The following THG1L variants were observed in gnomAD, a reference collection of about 807,000 sequenced individuals.
The protein encoded by THG1L is tRNA-histidine guanylyltransferase 1 like.
A neutral mutation model predicts 35.2 loss-of-function variants in THG1L; 27 were observed. That is an observed-to-expected ratio of 0.77 (90% confidence interval 0.57 to 1.06). THG1L has a LOEUF of 1.06. Among genes scored for constraint, THG1L ranks in the 50% least tolerant of loss-of-function variants. The probability of loss-of-function intolerance (pLI) is 0.00; values close to 1 mark genes in which losing one functional copy is unlikely to be tolerated. For synonymous variants in THG1L, 135 were observed against 132.4 expected (o/e 1.02, Z -0.14); for missense variants, 377 against 371.8 (o/e 1.01, Z -0.12).
intron 1 of THG1L, 112 bp downstream of exon 1, chr5:157,731,743 G>A (rs1561610262): frequency 1.5e-6 from 2 of 1,351,082 alleles, no homozygotes; most frequent in Non-Finnish European, 2.0e-6. Context: ...GGGTAACGCG[G>A]TAGCCAATGA....
chr5:157,732,363 C>T (rs1344785480), intron 1 of THG1L, among the ~76,000 whole-genome samples: 5 of 151,930 alleles, frequency 3.3e-5, no homozygotes, highest in African/African-American at 7.3e-5. Flanking sequence ...GTGGAAGGAT[C>T]GCTTGAGCCT....
chr5:157,738,030 G>T, intron 5 of THG1L, 36 bp downstream of exon 5: 1 of 1,545,424 alleles, frequency 6.5e-7, no homozygotes. Context: ...ATGGAAGTCA[G>T]GAAAAAAGAT....
At chr5:157,735,723 G>C in intron 3 of THG1L, 123 bp from the exon 4 acceptor site, 1 of 659,752 alleles carries the variant, frequency 1.5e-6, no homozygotes, top group Non-Finnish European at 2.5e-6. Flanking sequence ...TCAAGTCACT[G>C]AATGTCTCTG....
At position 157,741,086 on chromosome 5, in the gene THG1L, A is replaced by G. The variant is rs1761029430; in HGVS notation, c.*1604A>G. The G allele has an allele frequency of 6.6e-6, 1 of 152,128 alleles. No homozygotes were observed. The highest frequency in any genetic ancestry group is 2.4e-5 in the African/African-American group (1 of 41,384). The allele number at this position is 152,128 out of a possible 1,614,324, so 9.4% of individuals were successfully genotyped here. A position where few individuals can be genotyped will look rare whatever the true frequency, so the allele number is the denominator to read the frequency against. ...CTGGGCGTGGTGGCGTGTGCCTGCA[A>G]TACCAGCTACTCAGAAGGCTGAAGC... On this transcript the variant is annotated 3_prime_UTR_variant, in exon 6 of 6. Transcript: ENST00000231198.
At chr5:157,738,150 AT>A (rs1240733544) in intron 5 of THG1L, among the ~76,000 whole-genome samples, 156 bp downstream of exon 5, 1 of 152,186 alleles carries the variant, frequency 6.6e-6, no homozygotes, top group Non-Finnish European at 1.5e-5. Flanking sequence ...CTTATTTTTA[AT>A]GTGCATTTTG....
intron 1 of THG1L, among the ~76,000 whole-genome samples, chr5:157,732,215 C>CAAAAAAAAAAAAAAAAAA (rs34744387): frequency 7.4e-5 from 4 of 53,892 alleles, no homozygotes; most frequent in Non-Finnish European, 9.2e-5. Flanking sequence ...TCCGCCACTA[C>CAAAAAAAAAAAAAAAAAA]AAAAAAAAAA....
intron 1 of THG1L, 25 bp downstream of exon 1, chr5:157,731,656 C>G: frequency 6.3e-7 from 1 of 1,574,966 alleles, no homozygotes; most frequent in South Asian, 1.2e-5. Flanking sequence ...CTCGGGGCGT[C>G]GCGATGCGCC....
In THG1L at chr5:157,731,517, T is replaced by C; in HGVS notation, c.77T>C (p.Leu26Ser). Reference sequence around the variant, plus strand: ...ATCACTCTGAGACGGTACCTGAGATTGGGGGCGACCATGGCAAAAAGCAAG... The same window carrying C: ...ATCACTCTGAGACGGTACCTGAGATCGGGGGCGACCATGGCAAAAAGCAAG... Reference protein sequence around the residue: ...ISITLRRYLRLGATMAKSKFE... With the variant: ...ISITLRRYLRSGATMAKSKFE... The change falls in exon 1 of 6, where the codon TTG becomes TCG. Residue 26 changes from leucine (L) to serine (S), a missense_variant. By Grantham distance (145) the Leu-to-Ser change is moderately radical. Transcript: ENST00000231198. 6.2e-7 allele frequency: 1 copy of C among 1,612,944 alleles called. No homozygotes were observed. Among genetic ancestry groups the C allele is most frequent in the Non-Finnish European group, 8.5e-7 (1 of 1,179,478 alleles).
chr5:157,736,965 CTATTTATT>C (rs1760906057), intron 4 of THG1L, among the ~76,000 whole-genome samples: 1 of 151,890 alleles, frequency 6.6e-6, no homozygotes. Flanking sequence ...TTTATTTTAT[CTATTTATT>C]TATTTTTTGA....
In THG1L at chr5:157,731,716, T is replaced by C. The variant is rs1760727222; in HGVS notation, c.191+85T>C. ...TTCCCTTGCAAGTCCTCCCGCCCGC[T>C]CCAGTCACGGTTACCAGGGTAACGC... On this transcript the variant is annotated intron_variant, in intron 1 of 5. Transcript: ENST00000231198. 47 of 1,489,820 alleles carry C rather than the reference T, an allele frequency of 3.2e-5. 1 individual carries two copies. The South Asian group carries it at 3.6e-4, about 11-fold the overall frequency. The allele number at this position is 1,489,820 out of a possible 1,614,324, so 92.3% of individuals were successfully genotyped here.
chr5:157,737,858 G>A (rs750397406), intron 4 of THG1L, 29 bp from the exon 5 acceptor site: 3 of 1,578,126 alleles, frequency 1.9e-6, no homozygotes, highest in South Asian at 1.1e-5. Flanking sequence ...GACATGCAGA[G>A]CTTTTAATAT....
chr5:157,733,990 T>A (rs1760799396), intron 2 of THG1L, among the ~76,000 whole-genome samples: 1 of 152,062 alleles, frequency 6.6e-6, no homozygotes, highest in African/African-American at 2.4e-5. Flanking sequence ...AAATAAAATT[T>A]AAAAATACCC....
rs1251958062 is a variant in THG1L, at chr5:157,740,687, A to C, written c.*1205A>C. The C allele has an allele frequency of 1.3e-5, 2 of 152,302 alleles. No individual in the cohort carries two copies. Among genetic ancestry groups the C allele is most frequent in the Admixed American group, 1.3e-4 (2 of 15,284 alleles). The allele number at this position is 152,302 out of a possible 1,614,324, so 9.4% of individuals were successfully genotyped here. ...GAGGCCCAGGCAGGCAGATCACCTG[A>C]GGTCGGGAGTTCGAGACCAGCGTGA... On this transcript the variant is annotated 3_prime_UTR_variant, in exon 6 of 6. Transcript: ENST00000231198.
In THG1L at chr5:157,735,986, C is replaced by T. The variant is rs776256094; in HGVS notation, c.627+52C>T. ...TTAACTGGGGACAGTTCGCTGTAGG[C>T]TCTCCCATAACTTTTTTTTTGTTAA... is the stretch of plus-strand genomic sequence containing the variant. On this transcript the variant is annotated intron_variant, in intron 4 of 5. Coordinates refer to ENST00000231198, the MANE Select transcript of THG1L (RefSeq NM_017872.5). 6 of 1,237,782 alleles carry T rather than the reference C, an allele frequency of 4.8e-6. No individual in the cohort carries two copies. In the Admixed American group the frequency reaches 6.9e-5, roughly 14 times the overall value. 76.7% of individuals were successfully genotyped at this position (1,237,782 alleles called of 1,614,324 possible). A position where few individuals can be genotyped will look rare whatever the true frequency, so the allele number is the denominator to read the frequency against.
intron 1 of THG1L, among the ~76,000 whole-genome samples, chr5:157,732,032 A>G (rs1052295177): frequency 2.0e-5 from 3 of 152,130 alleles, no homozygotes; most frequent in African/African-American, 7.2e-5. Flanking sequence ...TGTGGGCAAT[A>G]CTTAACGTCT....
At chr5:157,738,016 A>C in intron 5 of THG1L, 22 bp downstream of exon 5, 1 of 1,585,168 alleles carries the variant, frequency 6.3e-7, no homozygotes, top group Non-Finnish European at 8.6e-7. Context: ...ATGTTCAAAG[A>C]AAAATGGAAG....
Position 157,741,439 on chromosome 5 carries a change from CAACTCCT to C in THG1L, c.*1958_*1964del, listed in dbSNP as rs1761041392. On this transcript the variant is annotated 3_prime_UTR_variant, in exon 6 of 6. Transcript: ENST00000231198. ...TCTTTGAGGAAAGAAATAAAGATGT[CAACTCCT>C]TTGGCCTGCTTTTTCATTTATTTTT... is the stretch of plus-strand genomic sequence containing the variant. 1 of 151,940 alleles carries C rather than the reference CAACTCCT, an allele frequency of 6.6e-6. No individual in the cohort carries two copies. The highest frequency in any genetic ancestry group is 1.5e-5 in the Non-Finnish European group (1 of 67,992). The allele number at this position is 151,940 out of a possible 1,614,324, so 9.4% of individuals were successfully genotyped here. A position where few individuals can be genotyped will look rare whatever the true frequency, so the allele number is the denominator to read the frequency against.
chr5:157,732,790 C>T, intron 1 of THG1L, 78 bp from the exon 2 acceptor site: 1 of 1,524,232 alleles, frequency 6.6e-7, no homozygotes, highest in Non-Finnish European at 9.0e-7. Context: ...CTCCAAACAG[C>T]CTCTGTTATC....
intron 1 of THG1L, among the ~76,000 whole-genome samples, chr5:157,731,976 G>A (rs1760735721): frequency 2.0e-5 from 3 of 152,150 alleles, no homozygotes. Flanking sequence ...TATTCTGTTA[G>A]ATATCTTTGA....
Sources: gnomAD v4.1 joint callset for allele counts (sites outside exome capture counted in the v4.1 genomes callset) on GRCh38, gnomAD v4.1.1 for gene constraint, MANE v1.5 for transcripts, NCBI Gene and HGNC (gene_info 2026-07-23, HGNC 2026-07-21) for gene names.